NALCN: variants seen among roughly 807,000 people sequenced by gnomAD.
NALCN encodes the protein sodium leak channel, non-selective.
In NALCN, 111 loss-of-function variants were observed where a neutral mutation model predicts 225.3. That is an observed-to-expected ratio of 0.49 (90% CI 0.42 to 0.58). The LOEUF is 0.58. NALCN is among the 20% of genes least tolerant of loss of function. The pLI is 0.00. For missense variants in NALCN, 1,378 were observed against 2,202.4 expected, an observed-to-expected ratio of 0.63 and a Z score of 7.49; for synonymous variants, 764 against 769.0, an observed-to-expected ratio of 0.99 and a Z score of 0.11.
At chr13:101,080,554 C>T (rs2033559958) in intron 34 of NALCN, among the ~76,000 whole-genome samples, 1 of 140,600 alleles carries the variant, frequency 7.1e-6, no homozygotes, top group Non-Finnish European at 1.5e-5. Flanking sequence ...AATAATTATA[C>T]ATAAATAATT....
intron 13 of NALCN, among the ~76,000 whole-genome samples, chr13:101,222,873 T>G (rs1278204485): frequency 6.6e-6 from 1 of 152,184 alleles, no homozygotes; most frequent in Admixed American, 6.5e-5. Context: ...CAGAAAAGGT[T>G]GCAGTTATTC....
At chr13:101,178,464 T>C (rs980420501) in intron 14 of NALCN, among the ~76,000 whole-genome samples, 4 of 152,158 alleles carry the variant, frequency 2.6e-5, no homozygotes, top group Non-Finnish European at 5.9e-5. Context: ...TGTATATAAA[T>C]ACTTTTAAGA....
chr13:101,114,992 C>A (rs2035636653), intron 18 of NALCN, among the ~76,000 whole-genome samples: 1 of 152,104 alleles, frequency 6.6e-6, no homozygotes, highest in Admixed American at 6.6e-5. Flanking sequence ...TAAAATTGGT[C>A]ATGATTATTT....
intron 14 of NALCN, among the ~76,000 whole-genome samples, chr13:101,177,510 C>G (rs1415317366): frequency 1.3e-5 from 2 of 150,248 alleles, no homozygotes; most frequent in Non-Finnish European, 3.0e-5. Context: ...ATTAATGGTA[C>G]TTGCTTTTGT....
chr13:101,299,595 T>G (rs1439586923), intron 7 of NALCN, among the ~76,000 whole-genome samples: 1 of 152,122 alleles, frequency 6.6e-6, no homozygotes, highest in Non-Finnish European at 1.5e-5. Flanking sequence ...AGACAGATAA[T>G]ACAAACTTGC....
intron 13 of NALCN, among the ~76,000 whole-genome samples, chr13:101,219,155 G>C (rs1419046102): frequency 1.3e-5 from 2 of 152,172 alleles, no homozygotes; most frequent in Non-Finnish European, 2.9e-5. Flanking sequence ...GAGAATTTCA[G>C]TGAAAGATCC....
chr13:101,349,123 T>C (rs1353373471), intron 6 of NALCN, among the ~76,000 whole-genome samples: 4 of 152,150 alleles, frequency 2.6e-5, no homozygotes, highest in Non-Finnish European at 5.9e-5. Flanking sequence ...GTAATAAATA[T>C]CCACTCATGT....
At chr13:101,159,932 G>GTTTTTTGTTA (rs772623675) in intron 15 of NALCN, among the ~76,000 whole-genome samples, 16 of 148,770 alleles carry the variant, frequency 1.1e-4, no homozygotes, top group South Asian at 8.8e-4. Flanking sequence ...GGTTTTTTTT[G>GTTTTTTGTTA]TTTTTTGTTA....
intron 7 of NALCN, among the ~76,000 whole-genome samples, chr13:101,340,800 T>C (rs1290463675): frequency 6.6e-6 from 1 of 152,194 alleles, no homozygotes; most frequent in Non-Finnish European, 1.5e-5. Context: ...GGTTAAAAAA[T>C]ATACTGTTTG....
At chr13:101,396,246 G>T (rs1160873403) in intron 2 of NALCN, among the ~76,000 whole-genome samples, 3 of 151,794 alleles carry the variant, frequency 2.0e-5, no homozygotes, top group Non-Finnish European at 4.4e-5. Flanking sequence ...ATTTTATTAT[G>T]AAAACTAGTA....
At chr13:101,107,909 A>G (rs2035223321) in intron 20 of NALCN, 120 bp from the exon 21 acceptor site, 1 of 434,676 alleles carries the variant, frequency 2.3e-6, no homozygotes, top group South Asian at 7.9e-5. Flanking sequence ...TATTAATTAC[A>G]TATATTTACT....
intron 6 of NALCN, among the ~76,000 whole-genome samples, chr13:101,345,856 A>T (rs1031208656): frequency 6.9e-6 from 1 of 145,666 alleles, no homozygotes; most frequent in Non-Finnish European, 1.5e-5. Context: ...GATGACAAGC[A>T]TTGTTGATGA....
intron 37 of NALCN, among the ~76,000 whole-genome samples, chr13:101,070,692 T>G (rs1594138369): frequency 6.6e-6 from 1 of 152,210 alleles, no homozygotes; most frequent in East Asian, 1.9e-4. Flanking sequence ...AAGAGTGGGC[T>G]TAAATATCCA....
At chr13:101,291,728 T>G (rs750804149) in intron 9 of NALCN, among the ~76,000 whole-genome samples, 3 of 152,088 alleles carry the variant, frequency 2.0e-5, no homozygotes, top group Non-Finnish European at 2.9e-5. Flanking sequence ...TTAAAATTTT[T>G]TTGTAGAGAC....
chr13:101,143,155 G>C lies in NALCN; in HGVS notation c.2043C>G (p.Leu681=). Residue 681 remains leucine (L), a synonymous_variant, in exon 17 of 44, where the codon CTC becomes CTG. Coordinates refer to ENST00000251127, the MANE Select transcript of NALCN (RefSeq NM_052867.4). The stretch of plus-strand genomic sequence containing the variant: ...CGCAGGAGGAGGAAGAGGTGGTCGG[G>C]AGGCTTCTCAGGAGGCAACATGTGT... ...QQDTCCLLRS[L]PTTSSSSCDH... 1 of 1,614,134 alleles carries C rather than the reference G, an allele frequency of 6.2e-7. No homozygotes were observed. Among genetic ancestry groups the C allele is most frequent in the South Asian group, 1.1e-5 (1 of 91,074 alleles).
intron 7 of NALCN, among the ~76,000 whole-genome samples, chr13:101,310,590 C>G (rs1230316918): frequency 6.6e-6 from 1 of 152,062 alleles, no homozygotes; most frequent in Non-Finnish European, 1.5e-5. Context: ...CTCCTTGACA[C>G]TTATTACTAC....
chr13:101,380,791 T>A (rs1175880752), intron 3 of NALCN, among the ~76,000 whole-genome samples: 1 of 151,734 alleles, frequency 6.6e-6, no homozygotes, highest in African/African-American at 2.4e-5. Context: ...AAATGAAGTA[T>A]AAACTCAACT....
At chr13:101,090,356 T>C (rs954259129) in intron 28 of NALCN, among the ~76,000 whole-genome samples, 4 of 152,160 alleles carry the variant, frequency 2.6e-5, no homozygotes, top group African/African-American at 7.2e-5. Context: ...CAAAGAAGCA[T>C]TGGATTTTGG....
rs1405072326 is a variant in NALCN at position 101,268,998 on chromosome 13, A to G, written c.1135-10424T>C. Among the ~76,000 whole-genome samples, 3 of 152,192 alleles carry G rather than the reference A, an allele frequency of 2.0e-5. 1 individual carries two copies. The highest frequency in any genetic ancestry group is 4.1e-4 in the South Asian group (2 of 4,832). On this transcript the variant is annotated intron_variant, in intron 10 of 43. Coordinates refer to ENST00000251127, the MANE Select transcript of NALCN (RefSeq NM_052867.4). ...AAACCTTTCAATTAACTAACCTATA[A>G]TTTATGGATTAAGAACTCAATACCC...
Sources: allele counts gnomAD v4.1 joint callset (sites outside exome capture counted in the v4.1 genomes callset), GRCh38; gene constraint gnomAD v4.1.1; transcripts MANE v1.5; gene names NCBI Gene and HGNC (gene_info 2026-07-23, HGNC 2026-07-21).